Variants in ZRANB3 observed in about 807,000 individuals in gnomAD.
ZRANB3 encodes DNA annealing helicase and endonuclease ZRANB3.
A neutral mutation model predicts 133.8 loss-of-function variants in ZRANB3; 125 were observed. The observed-to-expected ratio is 0.93, with a 90% CI of 0.81 to 1.08. The LOEUF is 1.08. Among genes scored for constraint, ZRANB3 ranks in the 50% least tolerant of loss-of-function variants. The pLI is 0.00. For missense variants in ZRANB3, 1,229 were observed against 1,275.5 expected, an observed-to-expected ratio of 0.96 and a Z score of 0.56; for synonymous variants, 387 against 432.7, an observed-to-expected ratio of 0.89 and a Z score of 1.31.
chr2:135,389,799 C>T (rs1247476003), intron 3 of ZRANB3, among the ~76,000 whole-genome samples: 1 of 150,562 alleles, frequency 6.6e-6, no homozygotes, highest in East Asian at 1.9e-4. Flanking sequence ...GATGATTCCA[C>T]TTTTATTTTT....
At chr2:135,310,938 A>G (rs981130672) in intron 8 of ZRANB3, among the ~76,000 whole-genome samples, 1 of 151,590 alleles carries the variant, frequency 6.6e-6, no homozygotes, top group Non-Finnish European at 1.5e-5. Flanking sequence ...AGATTAGGCA[A>G]AAATTTCTTA....
chr2:135,309,909 G>A (rs576986089), intron 8 of ZRANB3, among the ~76,000 whole-genome samples: 1 of 152,238 alleles, frequency 6.6e-6, no homozygotes, highest in African/African-American at 2.4e-5. Context: ...ATACAGTAGG[G>A]TAAACACTAT....
At chr2:135,237,612 T>C (rs2105078091) in intron 12 of ZRANB3, among the ~76,000 whole-genome samples, 1 of 151,586 alleles carries the variant, frequency 6.6e-6, no homozygotes, top group South Asian at 2.1e-4. Context: ...TATGCAGCCA[T>C]AAAAAATGAT....
intron 6 of ZRANB3, among the ~76,000 whole-genome samples, chr2:135,324,906 T>C (rs1402143239): frequency 6.6e-6 from 1 of 152,224 alleles, no homozygotes; most frequent in Non-Finnish European, 1.5e-5. Flanking sequence ...TCATATCCTT[T>C]GCCCACTTGT....
intron 12 of ZRANB3, among the ~76,000 whole-genome samples, chr2:135,255,619 C>G (rs1483074499): frequency 6.6e-6 from 1 of 152,084 alleles, no homozygotes. Flanking sequence ...AAGGTTGAGG[C>G]AAGAGGACTG....
chr2:135,491,119 A>C (rs1692352056), intron 2 of ZRANB3, among the ~76,000 whole-genome samples: 1 of 152,196 alleles, frequency 6.6e-6, no homozygotes, highest in South Asian at 2.1e-4. Flanking sequence ...GTACATTTCA[A>C]AATAACTTCA....
Position 135,308,981 on chromosome 2 carries a change from ATTT to A in ZRANB3, c.966+4505_966+4507del, listed in dbSNP as rs68010822. Among the ~76,000 whole-genome samples, 10 of 135,612 alleles carry A rather than the reference ATTT, an allele frequency of 7.4e-5. No individual in the cohort carries two copies. In the East Asian group the frequency reaches 1.5e-3, roughly 20 times the overall value. 89.0% of individuals were successfully genotyped at this position (135,612 alleles called of 152,430 possible). ...TCTAAAAAAACTTAGTAATAACATC[ATTT>A]TTTTTTTTTTTTTTGAGATGGAGTC... On this transcript the variant is annotated intron_variant, in intron 8 of 20. Coordinates refer to ENST00000264159, the MANE Select transcript of ZRANB3 (RefSeq NM_032143.4).
At position 135,230,719 on chromosome 2, in the gene ZRANB3, G is replaced by T; in HGVS notation, c.1748C>A (p.Ser583Ter). ...TTCCGACGGACTGCAGTGGTCTTCCGAGGCAGCCAATTTCAATCTTTTCGT... is the reference window on the plus strand; with the variant it reads ...TTCCGACGGACTGCAGTGGTCTTCCTAGGCAGCCAATTTCAATCTTTTCGT... The part of the protein sequence containing the change: ...PETKRLKLAA[S>*]EDHCSPSEET... Residue 583 changes from serine to a stop codon, truncating the protein, a stop_gained, in exon 13 of 21, where the codon TCG (serine) becomes TAG (stop). Transcript: ENST00000264159. LOFTEE classifies it high-confidence loss of function. 1 of 1,612,898 alleles carries T rather than the reference G, an allele frequency of 6.2e-7. No individual in the cohort carries two copies. The highest frequency in any genetic ancestry group is 8.5e-7 in the Non-Finnish European group (1 of 1,179,550).
chr2:135,216,075 G>C (rs1278499551), intron 17 of ZRANB3, among the ~76,000 whole-genome samples: 1 of 149,856 alleles, frequency 6.7e-6, no homozygotes, highest in Non-Finnish European at 1.5e-5. Flanking sequence ...AGTGAAGTTT[G>C]TGTCTCCATC....
At chr2:135,349,587 C>G (rs1438598770) in intron 5 of ZRANB3, among the ~76,000 whole-genome samples, 1 of 152,118 alleles carries the variant, frequency 6.6e-6, no homozygotes, top group African/African-American at 2.4e-5. Context: ...GAAGAACAGA[C>G]AGAAGCTCTG....
chr2:135,295,774 TGG>T (rs966883183), intron 8 of ZRANB3, among the ~76,000 whole-genome samples: 4 of 152,164 alleles, frequency 2.6e-5, no homozygotes, highest in African/African-American at 9.7e-5. Flanking sequence ...GCAGGTCTGG[TGG>T]TGACAAAATC....
At chr2:135,308,144 C>T (rs1682792132) in intron 8 of ZRANB3, among the ~76,000 whole-genome samples, 1 of 152,230 alleles carries the variant, frequency 6.6e-6, no homozygotes, top group Middle Eastern at 3.4e-3. Context: ...CTGTCCCCCA[C>T]CACTAACAAA....
intron 3 of ZRANB3, among the ~76,000 whole-genome samples, chr2:135,388,744 C>G (rs545855134): frequency 6.6e-6 from 1 of 152,220 alleles, no homozygotes; most frequent in Admixed American, 6.5e-5. Flanking sequence ...GTCATTTGGA[C>G]TCTCAAATTA....
chr2:135,340,972 T>C (rs568630454), intron 6 of ZRANB3, among the ~76,000 whole-genome samples: 1 of 133,672 alleles, frequency 7.5e-6, no homozygotes, highest in African/African-American at 3.4e-5. Context: ...ATCTTTTATC[T>C]TCATTGTATT....
chr2:135,221,729 C>T lies in ZRANB3; in HGVS notation c.2251-2551G>A, dbSNP rs145086527. 2.2e-4 allele frequency among the ~76,000 whole-genome samples: 33 copies of T among 152,256 alleles called. 3 individuals carry two copies. Among genetic ancestry groups the T allele is most frequent in the African/African-American group, 7.7e-4 (32 of 41,552 alleles). ...ATGAGGGTGGCTCAGGCACTTAAAC[C>T]TGCCTCAAGATGAATAAAGGAGTCA... On this transcript the variant is annotated intron_variant, in intron 15 of 20. Coordinates refer to ENST00000264159, the MANE Select transcript of ZRANB3 (RefSeq NM_032143.4).
chr2:135,255,477 CA>C (rs766579680), intron 12 of ZRANB3, among the ~76,000 whole-genome samples: 2 of 152,172 alleles, frequency 1.3e-5, no homozygotes, highest in Non-Finnish European at 2.9e-5. Context: ...AAAACTCACC[CA>C]CTCTGCTCTG....
At chr2:135,351,392 C>T (rs574349216) in intron 4 of ZRANB3, among the ~76,000 whole-genome samples, 4 of 151,614 alleles carry the variant, frequency 2.6e-5, no homozygotes, top group African/African-American at 4.9e-5. Context: ...CTCAGCCTCC[C>T]GAGTAGCTGG....
chr2:135,388,970 C>T (rs187715258), intron 3 of ZRANB3, among the ~76,000 whole-genome samples: 342 of 152,020 alleles, frequency 2.2e-3, no homozygotes, highest in African/African-American at 6.0e-3. Flanking sequence ...CCCAGCTACT[C>T]GGGAGGCTGA....
chr2:135,445,226 T>A (rs908991234), intron 2 of ZRANB3, among the ~76,000 whole-genome samples: 2 of 151,736 alleles, frequency 1.3e-5, no homozygotes, highest in Admixed American at 1.3e-4. Flanking sequence ...GATGGATCAC[T>A]TGAGGTGAGG....
Sources: gnomAD v4.1 joint callset for allele counts (sites outside exome capture counted in the v4.1 genomes callset) on GRCh38, gnomAD v4.1.1 for gene constraint, MANE v1.5 for transcripts, NCBI Gene and HGNC (gene_info 2026-07-23, HGNC 2026-07-21) for gene names.